Variants in SEC31A observed in about 807,000 individuals in gnomAD.
The protein encoded by SEC31A is SEC31 homolog A, COPII component.
In SEC31A, 70 loss-of-function variants were observed where a neutral mutation model predicts 151.0. The observed-to-expected ratio is 0.46, with a 90% CI of 0.38 to 0.57. SEC31A has a LOEUF of 0.57. Among genes scored for constraint, SEC31A ranks in the 20% least tolerant of loss-of-function variants. The probability of loss-of-function intolerance (pLI) is 0.00; values close to 1 mark genes in which losing one functional copy is unlikely to be tolerated. For synonymous variants in SEC31A, 475 were observed against 505.9 expected (o/e 0.94, Z 0.82); for missense variants, 1,330 against 1,471.2 (o/e 0.90, Z 1.57).
chr4:82,848,297 T>C (rs1377480814), intron 20 of SEC31A, among the ~76,000 whole-genome samples: 1 of 127,032 alleles, frequency 7.9e-6, no homozygotes, highest in Non-Finnish European at 1.6e-5. Flanking sequence ...CATTTTTCTC[T>C]AATATCTAAA....
Position 82,866,874 on chromosome 4 carries a change from A to G in SEC31A, c.1131T>C (p.His377=), listed in dbSNP as rs778814413. 3.7e-5 allele frequency: 59 copies of G among 1,613,926 alleles called. No individual in the cohort carries two copies. Among genetic ancestry groups the G allele is most frequent in the Non-Finnish European group, 5.0e-5 (59 of 1,179,920 alleles). The change falls in exon 10 of 27, where the codon CAT becomes CAC. Residue 377 remains histidine, a synonymous_variant. Coordinates refer to ENST00000395310, the MANE Select transcript of SEC31A (RefSeq NM_001077207.4). The part of the protein sequence containing the change: ...PLQIPQQTAQ[H]SIVLPLKKPP... ...GCTTCTTCAGAGGCAGCACTATACT[A>G]TGCTGAGCAGTCTGCTGTGGAATTT...
At chr4:82,853,753 A>AG in intron 17 of SEC31A, 38 bp from the exon 18 acceptor site, 1 of 1,552,558 alleles carries the variant, frequency 6.4e-7, no homozygotes. Flanking sequence ...ATTATACCCA[A>AG]GGCAATCTGT....
chr4:82,861,603 C>T, intron 14 of SEC31A, 28 bp downstream of exon 14: 2 of 1,479,350 alleles, frequency 1.4e-6, no homozygotes, highest in East Asian at 2.3e-5. Context: ...CAAATTTGTC[C>T]AATATAATAT....
chr4:82,834,784 T>G (rs2149108389), intron 22 of SEC31A, among the ~76,000 whole-genome samples: 1 of 152,328 alleles, frequency 6.6e-6, no homozygotes, highest in Non-Finnish European at 1.5e-5. Context: ...CAATCCTTTT[T>G]GCTTTTATAG....
chr4:82,876,767 GACCT>G (rs1738056378), intron 4 of SEC31A, among the ~76,000 whole-genome samples: 1 of 152,162 alleles, frequency 6.6e-6, no homozygotes, highest in Non-Finnish European at 1.5e-5. Context: ...TTCATATACT[GACCT>G]TCATCCACTA....
At chr4:82,871,843 A>G (rs1402013428) in intron 7 of SEC31A, 101 bp downstream of exon 7, 3 of 1,485,432 alleles carry the variant, frequency 2.0e-6, no homozygotes, top group Non-Finnish European at 2.7e-6. Context: ...CATCTAAAAA[A>G]AAAAGTTCCT....
intron 22 of SEC31A, among the ~76,000 whole-genome samples, chr4:82,829,642 G>T (rs1314703463): frequency 6.6e-6 from 1 of 151,920 alleles, no homozygotes; most frequent in Non-Finnish European, 1.5e-5. Flanking sequence ...GTAAAAAAGG[G>T]TATTCAAATA....
chr4:82,846,366 C>CATAATA (rs35831381), intron 20 of SEC31A, among the ~76,000 whole-genome samples: 33,894 of 140,200 alleles, frequency 0.24, 4,644 homozygotes, highest in East Asian at 0.45. Flanking sequence ...AACTCCAAAA[C>CATAATA]ATAATAATAA....
chr4:82,890,793 C>G, intron 1 of SEC31A: 5 of 1,284,596 alleles, frequency 3.9e-6, no homozygotes, highest in Non-Finnish European at 4.9e-6. Context: ...ATCTCAAACT[C>G]CAGTTACCAG....
intron 1 of SEC31A, among the ~76,000 whole-genome samples, chr4:82,884,294 T>C (rs572470256): frequency 1.3e-5 from 2 of 152,246 alleles, no homozygotes; most frequent in East Asian, 3.9e-4. Flanking sequence ...CGGCCATCAT[T>C]CGACAATTTT....
upstream of SEC31A, chr4:82,893,924 ATTT>A (rs909857001): frequency 2.0e-5 from 3 of 152,098 alleles, no homozygotes; most frequent in African/African-American, 4.8e-5. Context: ...GCCCTGAAAA[ATTT>A]TTTTAAGATT....
rs944868765 is a variant in SEC31A, at chr4:82,863,715, T to C, written c.1435-323A>G. 5.9e-5 allele frequency among the ~76,000 whole-genome samples: 9 copies of C among 152,162 alleles called. 1 individual carries two copies. Among genetic ancestry groups the C allele is most frequent in the African/African-American group, 1.7e-4 (7 of 41,458 alleles). Reference sequence around the variant, plus strand: ...TAATTTCTGTAAATACAAACTTATGTCCAAAGGTTAAACTGATACAAAACT... The same window carrying C: ...TAATTTCTGTAAATACAAACTTATGCCCAAAGGTTAAACTGATACAAAACT... On this transcript the variant is annotated intron_variant, in intron 11 of 26. Coordinates refer to ENST00000395310, the MANE Select transcript of SEC31A (RefSeq NM_001077207.4).
chr4:82,822,752 T>C (rs982618856), intron 25 of SEC31A, among the ~76,000 whole-genome samples: 1 of 152,110 alleles, frequency 6.6e-6, no homozygotes, highest in East Asian at 1.9e-4. Flanking sequence ...GGTGGGCGGA[T>C]CACCTGATGT....
chr4:82,878,981 A>G (rs1444559818), intron 3 of SEC31A, 53 bp from the exon 4 acceptor site: 1 of 1,404,172 alleles, frequency 7.1e-7, no homozygotes, highest in Non-Finnish European at 9.9e-7. Flanking sequence ...ATAAATGTAG[A>G]CAAAAAATTG....
intron 8 of SEC31A, among the ~76,000 whole-genome samples, chr4:82,869,625 G>A (rs761473179): frequency 3.3e-5 from 5 of 151,970 alleles, no homozygotes; most frequent in South Asian, 4.2e-4. Context: ...TTTGTTATCT[G>A]TCCTACAAAT....
At chr4:82,851,958 G>A (rs1348499380) in intron 18 of SEC31A, among the ~76,000 whole-genome samples, 1 of 152,214 alleles carries the variant, frequency 6.6e-6, no homozygotes, top group East Asian at 1.9e-4. Flanking sequence ...GGAACTATGA[G>A]TGAAAATATC....
At chr4:82,862,230 C>T in intron 13 of SEC31A, among the ~76,000 whole-genome samples, 1 of 142,336 alleles carries the variant, frequency 7.0e-6, no homozygotes, top group African/African-American at 2.6e-5. Context: ...CCATTCTTTC[C>T]TACCATTTTT....
chr4:82,874,358 A>G (rs980973921), intron 6 of SEC31A, among the ~76,000 whole-genome samples: 3 of 152,180 alleles, frequency 2.0e-5, no homozygotes, highest in African/African-American at 7.2e-5. Flanking sequence ...CAAAACCACC[A>G]GTATATCATG....
intron 22 of SEC31A, among the ~76,000 whole-genome samples, chr4:82,836,372 CAAAAAAAAAA>C: frequency 1.6e-5 from 1 of 62,104 alleles, no homozygotes. Context: ...GACTCCATCT[CAAAAAAAAAA>C]AAAAAAAAAA....
Sources: allele counts gnomAD v4.1 joint callset (sites outside exome capture counted in the v4.1 genomes callset), GRCh38; gene constraint gnomAD v4.1.1; transcripts MANE v1.5; gene names NCBI Gene and HGNC (gene_info 2026-07-23, HGNC 2026-07-21).